Variants in ADAT1 observed in about 807,000 individuals in gnomAD.
The protein encoded by ADAT1 is tRNA-specific adenosine deaminase 1.
Under a neutral mutation model 58.6 loss-of-function variants are expected in ADAT1, and 58 were observed. That is an observed-to-expected ratio of 0.99 (90% CI 0.80 to 1.23). ADAT1 has a LOEUF of 1.23. Among genes scored for constraint, ADAT1 ranks in the 50% most tolerant of loss-of-function variants. ADAT1 has a pLI of 0.00. For synonymous variants in ADAT1, 254 were observed against 220.8 expected, an observed-to-expected ratio of 1.15 and a Z score of -1.33; for missense variants, 741 against 608.6, an observed-to-expected ratio of 1.22 and a Z score of -2.29.
At chr16:75,608,359 C>A in intron 7 of ADAT1, 36 bp from the exon 8 acceptor site, 2 of 1,527,872 alleles carry the variant, frequency 1.3e-6, no homozygotes, top group South Asian at 2.3e-5. Context: ...TAAAACTGCT[C>A]AATTTCTTGT....
chr16:75,600,438 C>G, intron 9 of ADAT1, 90 bp from the exon 10 acceptor site: 12 of 1,552,020 alleles, frequency 7.7e-6, no homozygotes, highest in Non-Finnish European at 1.0e-5. Flanking sequence ...ACTGGACAGA[C>G]TTGTAATGAG....
chr16:75,599,569 T>C lies in ADAT1; in HGVS notation c.*647A>G, dbSNP rs1266644889. The C allele has an allele frequency of 3.0e-6, 3 of 985,800 alleles. No homozygotes were observed. Among genetic ancestry groups the C allele is most frequent in the East Asian group, 2.3e-4 (2 of 8,836 alleles). 61.1% of individuals were successfully genotyped at this position (985,800 alleles called of 1,614,324 possible). ...TTCTTTGCTGGCTTTCTCTAGGTAG[T>C]AGGAAAAGATGGCCACCGGCAGTCC... On this transcript the variant is annotated 3_prime_UTR_variant, in exon 10 of 10. Coordinates refer to ENST00000564657, the MANE Select transcript of ADAT1 (RefSeq NM_001324445.2).
rs138602855 is a variant in ADAT1 at position 75,620,639 on chromosome 16, G to A, written c.161C>T (p.Pro54Leu). ...AGAAGAAAAAGTCTCACCTTGCACC[G>A]GCTTATCAGGGGTGTCGCAGGCCTT... is the stretch of plus-strand genomic sequence containing the variant. ...ADKACDTPDKPVQVTKEVVSM... is the reference protein window; with the variant it reads ...ADKACDTPDKLVQVTKEVVSM... The change falls in exon 2 of 10, where the codon CCG (proline) becomes CTG (leucine). Residue 54 changes from proline (P) to leucine (L), a missense_variant. Pro to Leu is a moderately conservative substitution (Grantham distance 98). Coordinates refer to ENST00000564657, the MANE Select transcript of ADAT1 (RefSeq NM_001324445.2). 104 of 1,613,030 alleles carry A rather than the reference G, an allele frequency of 6.4e-5. 1 individual carries two copies. In the South Asian group the frequency reaches 8.2e-4, roughly 13 times the overall value.
At chr16:75,600,401 AG>A in intron 9 of ADAT1, 53 bp from the exon 10 acceptor site, 3 of 1,598,330 alleles carry the variant, frequency 1.9e-6, no homozygotes, top group Non-Finnish European at 1.7e-6. Flanking sequence ...AGCCCACCCC[AG>A]GGGCCACCAG....
chr16:75,623,244 G>A lies in ADAT1; in HGVS notation c.-863C>T, dbSNP rs2081989344. On this transcript the variant is annotated 5_prime_UTR_variant, in exon 1 of 10. Coordinates refer to ENST00000564657, the MANE Select transcript of ADAT1 (RefSeq NM_001324445.2). ...GCGGACGCTCCCCTCCCACCTTCAG[G>A]AAACGCGCCTAGAAGAAAGCGAGCT... 2 of 152,302 alleles carry A rather than the reference G, an allele frequency of 1.3e-5. No homozygotes were observed. The highest frequency in any genetic ancestry group is 6.5e-5 in the Admixed American group (1 of 15,290). The allele number at this position is 152,302 out of a possible 1,614,324, so 9.4% of individuals were successfully genotyped here.
At position 75,616,004 on chromosome 16, in the gene ADAT1, CT is replaced by C. The variant is rs529617080; in HGVS notation, c.424+1137del. 9.4e-3 allele frequency among the ~76,000 whole-genome samples: 1,367 copies of C among 144,720 alleles called. 15 individuals are homozygous for C. The highest frequency in any genetic ancestry group is 0.011 in the Non-Finnish European group (723 of 65,792). The allele number at this position is 144,720 out of a possible 152,430, so 94.9% of individuals were successfully genotyped here. On this transcript the variant is annotated intron_variant, in intron 5 of 9. Coordinates refer to ENST00000564657, the MANE Select transcript of ADAT1 (RefSeq NM_001324445.2). ...CTCATACTCTTTCTTTCTTCTCTCT[CT>C]TTTTTTTTTTTTCCCTTCTTTTTGA...
chr16:75,619,685 C>G (rs922983305), intron 3 of ADAT1: 3 of 450,990 alleles, frequency 6.7e-6, no homozygotes, highest in African/African-American at 6.0e-5. Context: ...CCAATGTGGG[C>G]AGATCACCTG....
At position 75,600,017 on chromosome 16, in the gene ADAT1, G is replaced by C. The variant is rs150868091; in HGVS notation, c.*199C>G. 435 of 1,377,182 alleles carry C rather than the reference G, an allele frequency of 3.2e-4. 2 individuals are homozygous for C. In the African/African-American group the frequency reaches 6.0e-3, roughly 19 times the overall value. 85.3% of individuals were successfully genotyped at this position (1,377,182 alleles called of 1,614,324 possible). ...AGTCAGATAGTGAGGTCATTAGTGA[G>C]ATGCCATTTTAGCAGAGAGCTACTT... On this transcript the variant is annotated 3_prime_UTR_variant, in exon 10 of 10. Transcript: ENST00000564657.
Position 75,617,271 on chromosome 16 carries a change from AC to A in ADAT1, c.294del (p.Arg98SerfsTer13). ...AEVIARRSFQRYLLHQLQLAA... is the reference protein window; with the variant it reads ...AEVIARRSFQXYLLHQLQLAA... ...GCCAACTGGAGTTGGTGGAGAAGGT[AC>A]CTAAGGGTTGCAAGATGTTATTAGG... On this transcript the variant is annotated frameshift_variant and splice_region_variant, in exon 5 of 10. Transcript: ENST00000564657. LOFTEE classifies it high-confidence loss of function. 1 of 1,612,120 alleles carries A rather than the reference AC, an allele frequency of 6.2e-7. No individual in the cohort carries two copies. The highest frequency in any genetic ancestry group is 1.3e-5 in the African/African-American group (1 of 74,994).
At chr16:75,607,393 T>TA (rs1255817755) in intron 8 of ADAT1, among the ~76,000 whole-genome samples, 1 of 150,876 alleles carries the variant, frequency 6.6e-6, no homozygotes, top group African/African-American at 2.4e-5. Context: ...TCCCAGCTAC[T>TA]AGGAAGGCTG....
At chr16:75,604,432 C>CAAAAAAAAAAA (rs869079388) in intron 8 of ADAT1, among the ~76,000 whole-genome samples, 1 of 7,942 alleles carries the variant, frequency 1.3e-4, no homozygotes, top group African/African-American at 8.1e-4. Flanking sequence ...GATTCTGTCT[C>CAAAAAAAAAAA]AAAAAAAAAA....
intron 8 of ADAT1, among the ~76,000 whole-genome samples, chr16:75,604,451 A>AAAAAAAC (rs2081309251): frequency 1.2e-5 from 1 of 80,646 alleles, no homozygotes; most frequent in African/African-American, 6.0e-5. Context: ...AAAAAAAAAA[A>AAAAAAAC]AAAAAATATA....
chr16:75,608,453 G>A (rs1221542626), intron 7 of ADAT1, 130 bp from the exon 8 acceptor site: 20 of 736,908 alleles, frequency 2.7e-5, no homozygotes, highest in Non-Finnish European at 4.0e-5. Context: ...GACAATGACT[G>A]CTATTGGATG....
chr16:75,618,109 A>G (rs1401603104), intron 4 of ADAT1, among the ~76,000 whole-genome samples: 2 of 148,980 alleles, frequency 1.3e-5, no homozygotes, highest in East Asian at 3.9e-4. Flanking sequence ...AAAAAAAAAA[A>G]AAAAAAAAAA....
intron 9 of ADAT1, among the ~76,000 whole-genome samples, chr16:75,602,221 T>C (rs1465705329): frequency 6.6e-6 from 1 of 152,224 alleles, no homozygotes; most frequent in Non-Finnish European, 1.5e-5. Flanking sequence ...TCAGTCATAA[T>C]AGTTAATGAA....
chr16:75,598,171 G>T lies in ADAT1; in HGVS notation c.*2045C>A. 4.3e-6 allele frequency: 1 copy of T among 233,388 alleles called. No individual in the cohort carries two copies. The highest frequency in any genetic ancestry group is 9.0e-6 in the Non-Finnish European group (1 of 111,290). 14.5% of individuals were successfully genotyped at this position (233,388 alleles called of 1,614,324 possible). Reference sequence around the variant, plus strand: ...GGCTCACTGCAACCTCCACCTCCTGGGTTTGAGAGATTCTTCTGCCTCAGC... The same window carrying T: ...GGCTCACTGCAACCTCCACCTCCTGTGTTTGAGAGATTCTTCTGCCTCAGC... On this transcript the variant is annotated 3_prime_UTR_variant, in exon 10 of 10. Coordinates refer to ENST00000564657, the MANE Select transcript of ADAT1 (RefSeq NM_001324445.2).
At chr16:75,611,079 A>C (rs2081517679) in intron 6 of ADAT1, among the ~76,000 whole-genome samples, 1 of 152,188 alleles carries the variant, frequency 6.6e-6, no homozygotes, top group South Asian at 2.1e-4. Context: ...GTACCACTGC[A>C]CTCCAGTCTG....
chr16:75,601,635 G>A (rs891180989), intron 9 of ADAT1, among the ~76,000 whole-genome samples: 3 of 152,144 alleles, frequency 2.0e-5, no homozygotes, highest in Admixed American at 1.3e-4. Flanking sequence ...GCGGGTGCCT[G>A]TAATCCTAGC....
At chr16:75,607,858 G>A (rs925404263) in intron 8 of ADAT1, among the ~76,000 whole-genome samples, 3 of 152,118 alleles carry the variant, frequency 2.0e-5, no homozygotes, top group East Asian at 1.9e-4. Context: ...ATGAACGAAT[G>A]GCAAACAAAA....
Sources: allele counts gnomAD v4.1 joint callset (sites outside exome capture counted in the v4.1 genomes callset), GRCh38; gene constraint gnomAD v4.1.1; transcripts MANE v1.5; gene names NCBI Gene and HGNC (gene_info 2026-07-23, HGNC 2026-07-21).